MYO16: variants seen among roughly 807,000 people sequenced by gnomAD.
MYO16 encodes myosin XVI.
In MYO16, 94 loss-of-function variants were observed where a neutral mutation model predicts 205.3. The observed-to-expected ratio is 0.46, with a 90% CI of 0.39 to 0.54. The LOEUF (loss-of-function observed/expected upper bound fraction) is 0.54. Ranked by LOEUF, MYO16 falls within the 20% of genes least tolerant of loss-of-function variation. The probability of loss-of-function intolerance (pLI) is 0.00; values close to 1 mark genes in which losing one functional copy is unlikely to be tolerated. For missense variants in MYO16, 2,315 were observed against 2,387.5 expected (o/e 0.97, Z 0.63); for synonymous variants, 988 against 954.0 (o/e 1.04, Z -0.66).
chr13:109,112,632 G>C (rs1358339777), intron 28 of MYO16, among the ~76,000 whole-genome samples: 1 of 151,938 alleles, frequency 6.6e-6, no homozygotes, highest in Non-Finnish European at 1.5e-5. Flanking sequence ...GCGCATGCCT[G>C]TAATCCCAGC....
At chr13:108,738,731 G>C (rs2139607358) in intron 4 of MYO16, among the ~76,000 whole-genome samples, 1 of 152,296 alleles carries the variant, frequency 6.6e-6, no homozygotes, top group East Asian at 1.9e-4. Flanking sequence ...AATATTGACA[G>C]TGGGGTATTA....
At chr13:108,815,154 C>T (rs959392030) in intron 7 of MYO16, among the ~76,000 whole-genome samples, 17 of 152,104 alleles carry the variant, frequency 1.1e-4, no homozygotes, top group African/African-American at 3.9e-4. Context: ...CAATTGAAAA[C>T]TTATGCAAAT....
intron 27 of MYO16, among the ~76,000 whole-genome samples, chr13:109,064,209 C>CT (rs1233117490): frequency 6.6e-6 from 1 of 152,150 alleles, no homozygotes; most frequent in African/African-American, 2.4e-5. Context: ...AGTTTTGCCT[C>CT]TTAGCATGCA....
At chr13:108,536,458 T>A in the MYO16 span, among the ~76,000 whole-genome samples, 1 of 148,834 alleles carries the variant, frequency 6.7e-6, no homozygotes, top group Non-Finnish European at 1.5e-5. Flanking sequence ...CTGTATTTCA[T>A]GTATTCAGGA....
intron 23 of MYO16, among the ~76,000 whole-genome samples, chr13:109,033,743 C>A (rs1407264389): frequency 6.6e-6 from 1 of 152,112 alleles, no homozygotes; most frequent in Non-Finnish European, 1.5e-5. Flanking sequence ...GTTAAAGGAT[C>A]ATGGGAGGAG....
rs71204890 is a variant in MYO16 at position 108,967,155 on chromosome 13, A to ATGTG, written c.2369+2277_2369+2280dup. On this transcript the variant is annotated intron_variant, in intron 20 of 34. Coordinates refer to ENST00000457511, the MANE Select transcript of MYO16 (RefSeq NM_001198950.3). ...ACAGACATGTATACTGACTATATATATGTGTGTGTGTGTGTGTGTGTGTGT... is the reference window on the plus strand; with the variant it reads ...ACAGACATGTATACTGACTATATATATGTGTGTGTGTGTGTGTGTGTGTGTGTGT... Among the ~76,000 whole-genome samples the ATGTG allele has an allele frequency of 1.5e-3, 189 of 124,562 alleles. 1 individual carries two copies. The highest frequency in any genetic ancestry group is 3.9e-3 in the African/African-American group (126 of 32,220). 81.7% of individuals were successfully genotyped at this position (124,562 alleles called of 152,430 possible). A position where few individuals can be genotyped will look rare whatever the true frequency, so the allele number is the denominator to read the frequency against.
intron 31 of MYO16, among the ~76,000 whole-genome samples, chr13:109,130,034 A>G (rs1474044339): frequency 6.6e-6 from 1 of 151,972 alleles, no homozygotes; most frequent in Non-Finnish European, 1.5e-5. Context: ...TAGGAGATAT[A>G]TATACACACA....
At chr13:108,924,947 A>G (rs1259030210) in intron 16 of MYO16, among the ~76,000 whole-genome samples, 1 of 152,226 alleles carries the variant, frequency 6.6e-6, no homozygotes, top group East Asian at 1.9e-4. Context: ...TTTGGTGGCT[A>G]AAACAAACCC....
chr13:108,608,175 A>G (rs1428523360), intron 1 of MYO16, among the ~76,000 whole-genome samples: 1 of 152,138 alleles, frequency 6.6e-6, no homozygotes, highest in East Asian at 1.9e-4. Context: ...TGATCATTTT[A>G]GTCGTGCACA....
chr13:108,918,954 CAAA>C (rs10585137), intron 16 of MYO16, among the ~76,000 whole-genome samples: 3,552 of 139,892 alleles, frequency 0.025, 71 homozygotes, highest in Admixed American at 0.071. Context: ...GAAAACAGAA[CAAA>C]AAAAAAAAAA....
the MYO16 span, among the ~76,000 whole-genome samples, chr13:108,566,980 G>A: frequency 1.3e-5 from 2 of 152,194 alleles, no homozygotes; most frequent in African/African-American, 4.8e-5. Flanking sequence ...ATGGACAAAT[G>A]TGGGAATGTG....
intron 20 of MYO16, among the ~76,000 whole-genome samples, chr13:108,975,187 T>C (rs553494314): frequency 6.5e-4 from 96 of 147,682 alleles, no homozygotes; most frequent in African/African-American, 2.4e-3. Context: ...GGATACTGTT[T>C]TTGTTTTTTT....
intron 1 of MYO16, among the ~76,000 whole-genome samples, chr13:108,657,040 G>A (rs1229646351): frequency 6.6e-6 from 1 of 152,186 alleles, no homozygotes; most frequent in Non-Finnish European, 1.5e-5. Flanking sequence ...TGCAGCTGAA[G>A]CTTCCAGGCC....
At chr13:108,784,729 G>A (rs1167187182) in intron 4 of MYO16, among the ~76,000 whole-genome samples, 2 of 152,150 alleles carry the variant, frequency 1.3e-5, no homozygotes, top group East Asian at 3.8e-4. Flanking sequence ...AAAGGAACGG[G>A]GAAAACTTTC....
At chr13:108,681,796 G>C (rs1048646912) in intron 2 of MYO16, among the ~76,000 whole-genome samples, 3 of 152,114 alleles carry the variant, frequency 2.0e-5, no homozygotes, top group Non-Finnish European at 4.4e-5. Context: ...ATGGAATGTA[G>C]AAATGTAGTT....
the MYO16 span, among the ~76,000 whole-genome samples, chr13:108,571,231 A>G: frequency 6.6e-6 from 1 of 151,958 alleles, no homozygotes; most frequent in African/African-American, 2.4e-5. Context: ...CTGGTTAAGG[A>G]TAAGAGGATA....
intron 10 of MYO16, among the ~76,000 whole-genome samples, chr13:108,852,844 A>T (rs947062856): frequency 6.6e-6 from 1 of 152,208 alleles, no homozygotes; most frequent in Non-Finnish European, 1.5e-5. Context: ...GTTTCATCAC[A>T]TAGAGAATGA....
the MYO16 span, among the ~76,000 whole-genome samples, chr13:108,524,527 T>C: frequency 6.6e-6 from 1 of 152,156 alleles, no homozygotes; most frequent in Non-Finnish European, 1.5e-5. Flanking sequence ...AACATCTTCT[T>C]TTTAAAAATA....
At chr13:108,787,416 CTGT>C (rs1490293600) in intron 5 of MYO16, among the ~76,000 whole-genome samples, 2 of 152,122 alleles carry the variant, frequency 1.3e-5, no homozygotes, top group Non-Finnish European at 2.9e-5. Context: ...CCTGCTTTTT[CTGT>C]TGTTCTGAAT....
Sources: gnomAD v4.1 joint callset for allele counts (sites outside exome capture counted in the v4.1 genomes callset) on GRCh38, gnomAD v4.1.1 for gene constraint, MANE v1.5 for transcripts, NCBI Gene and HGNC (gene_info 2026-07-23, HGNC 2026-07-21) for gene names.